EVC2: variants seen among roughly 807,000 people sequenced by gnomAD.
EVC2 encodes limbin.
In EVC2, 148 loss-of-function variants were observed where a neutral mutation model predicts 149.3. The observed-to-expected ratio is 0.99, with a 90% CI of 0.87 to 1.14. The LOEUF is 1.14. Ranked by LOEUF, EVC2 falls within the 50% of genes most tolerant of loss-of-function variation. The probability of loss-of-function intolerance (pLI) is 0.00; values close to 1 mark genes in which losing one functional copy is unlikely to be tolerated. For missense variants in EVC2, 1,854 were observed against 1,627.3 expected, an observed-to-expected ratio of 1.14 and a Z score of -2.40; for synonymous variants, 776 against 649.9, an observed-to-expected ratio of 1.19 and a Z score of -2.95.
chr4:5,702,564 C>T (rs1421443863), intron 1 of EVC2, among the ~76,000 whole-genome samples: 1 of 152,216 alleles, frequency 6.6e-6, no homozygotes, highest in Admixed American at 6.5e-5. Flanking sequence ...AGAATCTGAG[C>T]TGTCCAATAT....
intron 16 of EVC2, among the ~76,000 whole-genome samples, chr4:5,605,138 T>C (rs1421081653): frequency 1.3e-5 from 2 of 152,230 alleles, no homozygotes; most frequent in Non-Finnish European, 2.9e-5. Flanking sequence ...CTCAACTGTT[T>C]ATGTTATTTG....
intron 1 of EVC2, among the ~76,000 whole-genome samples, chr4:5,705,349 T>C (rs904191012): frequency 6.6e-6 from 1 of 152,366 alleles, no homozygotes; most frequent in Non-Finnish European, 1.5e-5. Context: ...AGCACTGATT[T>C]CTCAGACATG....
rs892072654 is a variant in EVC2, at chr4:5,677,577, G to A, written c.870+3683C>T. ...GGGAAGCCTGGAAGACCTCGGCATG[G>A]CTCAATTCCATCCATAAGTGAGCCT... is the stretch of plus-strand genomic sequence containing the variant. On this transcript the variant is annotated intron_variant, in intron 7 of 21. Transcript: ENST00000344408. This position sits in a 1 kb window ranked among gnomAD's most constrained non-coding sequence, Gnocchi z 4.3. 3.3e-5 allele frequency among the ~76,000 whole-genome samples: 5 copies of A among 152,194 alleles called. No individual in the cohort carries two copies. Among genetic ancestry groups the A allele is most frequent in the Non-Finnish European group, 7.3e-5 (5 of 68,036 alleles).
intron 16 of EVC2, among the ~76,000 whole-genome samples, chr4:5,594,328 G>T (rs1178227194): frequency 6.6e-6 from 1 of 152,194 alleles, no homozygotes; most frequent in Admixed American, 6.5e-5. Context: ...CCTCCCAGTA[G>T]GGGCAGACTG....
chr4:5,704,221 G>A (rs934649285), intron 1 of EVC2, among the ~76,000 whole-genome samples: 4 of 152,316 alleles, frequency 2.6e-5, no homozygotes, highest in African/African-American at 9.6e-5. Context: ...AGAGAAGGTG[G>A]CAATTCAGAT....
At chr4:5,623,699 A>G (rs976368790) in intron 13 of EVC2, among the ~76,000 whole-genome samples, 60 of 152,226 alleles carry the variant, frequency 3.9e-4, no homozygotes, top group African/African-American at 1.4e-3. Flanking sequence ...CATTCACTGA[A>G]CATGTATTTG....
In EVC2 at chr4:5,592,929, T is replaced by C. The variant is rs144856357; in HGVS notation, c.2830-8079A>G. Among the ~76,000 whole-genome samples, 604 of 152,276 alleles carry C rather than the reference T, an allele frequency of 4.0e-3. 7 individuals are homozygous for C. Among genetic ancestry groups the C allele is most frequent in the African/African-American group, 0.014 (580 of 41,562 alleles). On this transcript the variant is annotated intron_variant, in intron 16 of 21. Transcript: ENST00000344408. Reference sequence around the variant, plus strand: ...TTGTAGTTCTCATAATCCCCACCTGTCATAGGAGGTAACTGAATCATGGGG... The same window carrying C: ...TTGTAGTTCTCATAATCCCCACCTGCCATAGGAGGTAACTGAATCATGGGG...
chr4:5,581,628 G>A (rs1018873140), intron 17 of EVC2, among the ~76,000 whole-genome samples: 2 of 152,232 alleles, frequency 1.3e-5, no homozygotes, highest in African/African-American at 2.4e-5. Context: ...ATATGTGTGA[G>A]CAAAGAAATG....
chr4:5,676,126 A>T (rs1353709158), intron 7 of EVC2, among the ~76,000 whole-genome samples: 1 of 152,212 alleles, frequency 6.6e-6, no homozygotes, highest in Non-Finnish European at 1.5e-5. Context: ...TGATGAACAC[A>T]GAAGGGGATA....
rs888841172 is a variant in EVC2, at chr4:5,628,007, T to C, written c.1886+552A>G. Among the ~76,000 whole-genome samples the C allele has an allele frequency of 3.3e-5, 5 of 152,306 alleles. No homozygotes were observed. The Middle Eastern group carries it at 0.01, about 311-fold the overall frequency. On this transcript the variant is annotated intron_variant, in intron 12 of 21. Transcript: ENST00000344408. ...CTCATTATACAGACTATTGCAACTATATGCAACAGTCTATGTCTAGACTAT... is the reference window on the plus strand; with the variant it reads ...CTCATTATACAGACTATTGCAACTACATGCAACAGTCTATGTCTAGACTAT...
Position 5,584,813 on chromosome 4 carries a change from A to G in EVC2, c.2867T>C (p.Met956Thr). The G allele has an allele frequency of 1.2e-6, 2 of 1,614,128 alleles. No individual in the cohort carries two copies. The highest frequency in any genetic ancestry group is 1.7e-6 in the Non-Finnish European group (2 of 1,180,028). ...TGCAAAGCCTCCCTCCTGTGCCTCCATCCGCTGCACTCTCTCCCGCAGCAA... is the reference window on the plus strand; with the variant it reads ...TGCAAAGCCTCCCTCCTGTGCCTCCGTCCGCTGCACTCTCTCCCGCAGCAA... ...GELLRERVQR[M>T]EAQEGGFAQS... Residue 956 changes from methionine to threonine, a missense_variant, in exon 17 of 22, where the codon ATG becomes ACG. Transcript: ENST00000344408.
chr4:5,585,264 C>G (rs1712173346), intron 16 of EVC2, among the ~76,000 whole-genome samples: 1 of 152,178 alleles, frequency 6.6e-6, no homozygotes, highest in African/African-American at 2.4e-5. Context: ...CTCACACATG[C>G]ACAACTGGGA....
intron 21 of EVC2, among the ~76,000 whole-genome samples, chr4:5,548,188 A>G (rs1393391715): frequency 6.6e-6 from 1 of 152,070 alleles, no homozygotes; most frequent in African/African-American, 2.4e-5. Context: ...AGCCAAGCAC[A>G]GCCTGCCAGG....
At chr4:5,652,711 T>C (rs1254397713) in intron 9 of EVC2, among the ~76,000 whole-genome samples, 1 of 152,100 alleles carries the variant, frequency 6.6e-6, no homozygotes, top group Non-Finnish European at 1.5e-5. Flanking sequence ...CAGAACCAAC[T>C]AGAGGATGCA....
At chr4:5,645,757 T>C (rs772199130) in intron 9 of EVC2, among the ~76,000 whole-genome samples, 11 of 152,204 alleles carry the variant, frequency 7.2e-5, no homozygotes, top group Non-Finnish European at 1.3e-4. Flanking sequence ...GAATGATTTA[T>C]AGTCCTTTGG....
intron 21 of EVC2, among the ~76,000 whole-genome samples, chr4:5,552,867 G>A (rs1241878163): frequency 1.3e-5 from 2 of 152,202 alleles, no homozygotes; most frequent in African/African-American, 4.8e-5. Flanking sequence ...AAGTCTTTGA[G>A]TGATGATCTG....
chr4:5,606,633 T>C (rs1161981235), intron 16 of EVC2, among the ~76,000 whole-genome samples: 1 of 151,814 alleles, frequency 6.6e-6, no homozygotes, highest in Non-Finnish European at 1.5e-5. Flanking sequence ...TTACCAAGCA[T>C]GCAAAAAAGC....
the EVC2 span, among the ~76,000 whole-genome samples, chr4:5,535,694 C>G: frequency 6.6e-6 from 1 of 151,836 alleles, no homozygotes; most frequent in Non-Finnish European, 1.5e-5. This position sits in a 1 kb window ranked among gnomAD's most constrained non-coding sequence, Gnocchi z 4.7. Context: ...CATGGGGGCC[C>G]CACCCTCATG....
intron 17 of EVC2, among the ~76,000 whole-genome samples, chr4:5,582,206 T>A (rs1223806700): frequency 6.6e-6 from 1 of 152,224 alleles, no homozygotes; most frequent in Non-Finnish European, 1.5e-5. Flanking sequence ...ATAGATCCAC[T>A]GACAGCTTGT....
Sources: allele counts gnomAD v4.1 joint callset (sites outside exome capture counted in the v4.1 genomes callset), GRCh38; gene constraint gnomAD v4.1.1; non-coding constraint Gnocchi (gnomAD v3.1); transcripts MANE v1.5; gene names NCBI Gene and HGNC (gene_info 2026-07-23, HGNC 2026-07-21).